The following SHROOM3 variants were observed in gnomAD, a reference collection of about 807,000 sequenced individuals.
SHROOM3 encodes shroom family member 3, also known as protein Shroom3.
Under a neutral mutation model 138.6 loss-of-function variants are expected in SHROOM3, and 47 were observed. The ratio of observed to expected loss-of-function variants is 0.34; its 90% CI spans 0.27 to 0.43. The LOEUF is 0.43. Among genes scored for constraint, SHROOM3 ranks in the 20% least tolerant of loss-of-function variants. The pLI, the probability that SHROOM3 is intolerant of heterozygous loss-of-function variation, is 1.00. For synonymous variants in SHROOM3, 1,062 were observed against 1,063.3 expected (o/e 1.00, Z 0.02); for missense variants, 2,491 against 2,596.5 (o/e 0.96, Z 0.88).
intron 9 of SHROOM3, among the ~76,000 whole-genome samples, chr4:76,767,068 T>C (rs1007006626): frequency 2.0e-5 from 3 of 152,142 alleles, no homozygotes; most frequent in Non-Finnish European, 2.9e-5. Flanking sequence ...AGCACTGATG[T>C]CTCTGAAAAC....
At chr4:76,662,914 G>T (rs528757152) in intron 2 of SHROOM3, among the ~76,000 whole-genome samples, 1 of 151,574 alleles carries the variant, frequency 6.6e-6, no homozygotes, top group African/African-American at 2.4e-5. Flanking sequence ...AGAGGGAGAG[G>T]GAGAGGAAGG....
At position 76,700,726 on chromosome 4, in the gene SHROOM3, T is replaced by A. The variant is rs929174065; in HGVS notation, c.324-9430T>A. Among the ~76,000 whole-genome samples the A allele has an allele frequency of 2.0e-5, 3 of 152,208 alleles. No individual in the cohort carries two copies. The South Asian group carries it at 6.2e-4, about 32-fold the overall frequency. ...TGATTGGGCTAGGTATAGATGTGAC[T>A]AGGCTCTGGGTTTCAGCATGAAATA... On this transcript the variant is annotated intron_variant, in intron 2 of 10. Transcript: ENST00000296043.
At chr4:76,574,259 T>C (rs1375123664) in intron 2 of SHROOM3, among the ~76,000 whole-genome samples, 2 of 152,318 alleles carry the variant, frequency 1.3e-5, no homozygotes, top group East Asian at 3.9e-4. Flanking sequence ...CTTTGCACGA[T>C]GGGAAAATTT....
intron 1 of SHROOM3, among the ~76,000 whole-genome samples, chr4:76,461,979 A>G (rs903209844): frequency 2.0e-5 from 3 of 152,196 alleles, no homozygotes; most frequent in Non-Finnish European, 4.4e-5. Flanking sequence ...CAAGGGTGTG[A>G]TAATTGCTTT....
At chr4:76,441,082 A>ATTTTTTT (rs1354191068) in intron 1 of SHROOM3, among the ~76,000 whole-genome samples, 23 of 55,926 alleles carry the variant, frequency 4.1e-4, no homozygotes, top group East Asian at 1.4e-3. Context: ...CCTGAGTTCA[A>ATTTTTTT]TTTGTTTTTT....
At chr4:76,648,406 A>C (rs925045487) in intron 2 of SHROOM3, among the ~76,000 whole-genome samples, 3 of 152,248 alleles carry the variant, frequency 2.0e-5, no homozygotes, top group Non-Finnish European at 2.9e-5. Context: ...CTGTGGTACC[A>C]AATATTGTGG....
chr4:76,683,081 C>T (rs1007615327), intron 2 of SHROOM3, among the ~76,000 whole-genome samples: 7 of 152,266 alleles, frequency 4.6e-5, no homozygotes, highest in African/African-American at 1.7e-4. Context: ...ACATAAAAGC[C>T]TCTGATAACA....
intron 1 of SHROOM3, among the ~76,000 whole-genome samples, chr4:76,441,902 A>G (rs1426787433): frequency 1.3e-5 from 2 of 152,088 alleles, no homozygotes; most frequent in Non-Finnish European, 1.5e-5. Context: ...TTGTATTTTT[A>G]GTAGAGACGG....
chr4:76,668,048 CT>C (rs1718761894), intron 2 of SHROOM3, among the ~76,000 whole-genome samples: 1 of 150,838 alleles, frequency 6.6e-6, no homozygotes, highest in Non-Finnish European at 1.5e-5. Context: ...GTCACGCCCC[CT>C]CTCCCTTGTC....
At chr4:76,678,746 C>T (rs781489470) in intron 2 of SHROOM3, among the ~76,000 whole-genome samples, 16 of 152,150 alleles carry the variant, frequency 1.1e-4, no homozygotes, top group African/African-American at 1.4e-4. Context: ...CTGCAACCTC[C>T]GCCTCCCAGG....
chr4:76,733,726 T>C (rs1364349642), intron 4 of SHROOM3, among the ~76,000 whole-genome samples: 1 of 152,152 alleles, frequency 6.6e-6, no homozygotes, highest in Non-Finnish European at 1.5e-5. Flanking sequence ...TTAGTTTAAG[T>C]TCCAGAAACC....
chr4:76,636,849 GGAA>G (rs1735511521), intron 2 of SHROOM3, among the ~76,000 whole-genome samples: 1 of 152,184 alleles, frequency 6.6e-6, no homozygotes, highest in Non-Finnish European at 1.5e-5. Context: ...GCACTGAACT[GGAA>G]GAAGTAGGTA....
At chr4:76,722,206 TCTTTA>T (rs1720573541) in intron 3 of SHROOM3, among the ~76,000 whole-genome samples, 1 of 152,070 alleles carries the variant, frequency 6.6e-6, no homozygotes, top group African/African-American at 2.4e-5. Context: ...GTAAAAAGAA[TCTTTA>T]AAAACAATGC....
intron 1 of SHROOM3, among the ~76,000 whole-genome samples, chr4:76,523,750 G>C (rs978544467): frequency 6.6e-6 from 1 of 152,152 alleles, no homozygotes; most frequent in Non-Finnish European, 1.5e-5. Context: ...GCGTTTCCAT[G>C]AGCAGTGACA....
intron 1 of SHROOM3, among the ~76,000 whole-genome samples, chr4:76,508,270 G>A (rs1184700884): frequency 1.3e-5 from 2 of 152,082 alleles, no homozygotes; most frequent in Non-Finnish European, 2.9e-5. Flanking sequence ...TCTTTGATCT[G>A]TGGATATCCA....
intron 2 of SHROOM3, among the ~76,000 whole-genome samples, chr4:76,573,233 A>G (rs1318768067): frequency 6.6e-6 from 1 of 151,762 alleles, no homozygotes; most frequent in Middle Eastern, 3.2e-3. Flanking sequence ...ATGTCCTATT[A>G]AATTTGAATT....
At chr4:76,669,483 G>T (rs1452059130) in intron 2 of SHROOM3, among the ~76,000 whole-genome samples, 8 of 151,874 alleles carry the variant, frequency 5.3e-5, no homozygotes, top group Middle Eastern at 3.2e-3. Context: ...AATTAGCTGG[G>T]TGTGCCTGTA....
intron 4 of SHROOM3, among the ~76,000 whole-genome samples, chr4:76,735,904 T>TATATATA (rs1560606354): frequency 2.3e-5 from 3 of 132,324 alleles, no homozygotes; most frequent in African/African-American, 5.7e-5. Flanking sequence ...TATATATATA[T>TATATATA]TTTAGTGATG....
At position 76,780,903 on chromosome 4, in the gene SHROOM3, A is replaced by G. The variant is rs1005663864; in HGVS notation, c.*1726A>G. On this transcript the variant is annotated 3_prime_UTR_variant, in exon 11 of 11. Coordinates refer to ENST00000296043, the MANE Select transcript of SHROOM3 (RefSeq NM_020859.4). ...GTCATCAGTCTTAGGCCAACATGGG[A>G]GCCTGAAATTAACTCCATCAGTAAC... 4.6e-5 allele frequency: 7 copies of G among 152,180 alleles called. No individual in the cohort carries two copies. The highest frequency in any genetic ancestry group is 1.7e-4 in the African/African-American group (7 of 41,438). The allele number at this position is 152,180 out of a possible 1,614,324, so 9.4% of individuals were successfully genotyped here. A position where few individuals can be genotyped will look rare whatever the true frequency, so the allele number is the denominator to read the frequency against.
Sources: gnomAD v4.1 joint callset for allele counts (sites outside exome capture counted in the v4.1 genomes callset) on GRCh38, gnomAD v4.1.1 for gene constraint, MANE v1.5 for transcripts, NCBI Gene and HGNC (gene_info 2026-07-23, HGNC 2026-07-21) for gene names.